Variants in PCDHGA3 observed in about 807,000 individuals in gnomAD.
PCDHGA3 encodes protocadherin gamma subfamily A, 3.
PCDHGA3 carries 40 observed loss-of-function variants against 58.5 expected under a neutral mutation model. That is an observed-to-expected ratio of 0.68 (90% confidence interval 0.53 to 0.89). PCDHGA3 has a LOEUF of 0.89. Ranked by LOEUF, PCDHGA3 falls within the 40% of genes least tolerant of loss-of-function variation. The pLI is 0.00. For synonymous variants in PCDHGA3, 530 were observed against 525.7 expected (o/e 1.01, Z -0.11); for missense variants, 1,223 against 1,195.9 (o/e 1.02, Z -0.33).
chr5:141,465,366 A>G (rs2099102089), intron 1 of PCDHGA3, among the ~76,000 whole-genome samples: 1 of 152,154 alleles, frequency 6.6e-6, no homozygotes, highest in Non-Finnish European at 1.5e-5. Flanking sequence ...GGTGCCCTTT[A>G]AAGTTGTAAG....
Position 141,345,336 on chromosome 5 carries a change from G to A in PCDHGA3, c.1303G>A (p.Glu435Lys), listed in dbSNP as rs1206645862. Reference sequence around the variant, plus strand: ...TGGGGGAAGCCCGCCACTGTCCACAGAAACTCACATCACCCTGCATGTGAT... The same window carrying A: ...TGGGGGAAGCCCGCCACTGTCCACAAAAACTCACATCACCCTGCATGTGAT... ...SDGGSPPLST[E>K]THITLHVIDI... is the part of the protein sequence containing the mutation. The change falls in exon 1 of 4, where the codon GAA (glutamate) becomes AAA (lysine). Residue 435 changes from glutamate to lysine, a missense_variant. Around this residue, in one of 3 missense-constraint regions of PCDHGA3, gnomAD observed 791 missense variants for 708.5 expected, o/e 1.12. Transcript: ENST00000253812. The A allele has an allele frequency of 3.1e-6, 5 of 1,613,916 alleles. No homozygotes were observed. Among genetic ancestry groups the A allele is most frequent in the Non-Finnish European group, 2.5e-6 (3 of 1,179,940 alleles).
In PCDHGA3 at chr5:141,489,664, A is replaced by C. The variant is rs745597010; in HGVS notation, c.2425-5143A>C. 1.9e-6 allele frequency: 3 copies of C among 1,614,224 alleles called. No individual in the cohort carries two copies. Among genetic ancestry groups the C allele is most frequent in the African/African-American group, 1.3e-5 (1 of 75,058 alleles). On this transcript the variant is annotated intron_variant, in intron 1 of 3. Transcript: ENST00000253812. This position sits in a 1 kb window ranked among gnomAD's most constrained non-coding sequence, Gnocchi z 4.5. ...TGCCACCCCTGAGCGAGAGATGCGC[A>C]TCTCAGAATCAGCAGCATCTGGGGC... is the stretch of plus-strand genomic sequence containing the variant.
intron 1 of PCDHGA3, chr5:141,355,995 A>G: frequency 6.2e-7 from 1 of 1,613,888 alleles, no homozygotes; most frequent in South Asian, 1.1e-5. Flanking sequence ...TCACCGTAAA[A>G]GCCACTGATC....
chr5:141,432,276 C>G lies in PCDHGA3; in HGVS notation c.2425-62531C>G, dbSNP rs747589363. ...GGGGCAAGCCTATCGTCCTACGTGT[C>G]CATCAACTCCGACACTGGGGTACTG... On this transcript the variant is annotated intron_variant, in intron 1 of 3. Transcript: ENST00000253812. The surrounding 1 kb of genome is among the most constrained non-coding windows in gnomAD (Gnocchi z 6.0). 6.2e-7 allele frequency: 1 copy of G among 1,614,236 alleles called. No homozygotes were observed. Among genetic ancestry groups the G allele is most frequent in the Non-Finnish European group, 8.5e-7 (1 of 1,180,044 alleles).
At position 141,491,299 on chromosome 5, in the gene PCDHGA3, C is replaced by T. The variant is rs777271881; in HGVS notation, c.2425-3508C>T. ...TGACTTCCTCATACACCCTCCTGAG[C>T]GTTCAGACCTTACCCTTTACCTCAT... On this transcript the variant is annotated intron_variant, in intron 1 of 3. Transcript: ENST00000253812. This position sits in a 1 kb window ranked among gnomAD's most constrained non-coding sequence, Gnocchi z 6.9. 3.7e-6 allele frequency: 6 copies of T among 1,614,068 alleles called. No individual in the cohort carries two copies. Among genetic ancestry groups the T allele is most frequent in the Non-Finnish European group, 5.1e-6 (6 of 1,179,896 alleles).
intron 1 of PCDHGA3, chr5:141,403,047 G>T: frequency 6.2e-7 from 1 of 1,614,062 alleles, no homozygotes; most frequent in Non-Finnish European, 8.5e-7. Flanking sequence ...AGTCAGATTC[G>T]CTACTCAGTG....
intron 1 of PCDHGA3, chr5:141,366,610 C>T (rs1157276449): frequency 1.9e-6 from 3 of 1,614,232 alleles, no homozygotes; most frequent in Non-Finnish European, 2.5e-6. Context: ...TCTCCCTCAC[C>T]GCGGACTCGA....
intron 1 of PCDHGA3, chr5:141,376,677 T>TTTG: frequency 3.8e-5 from 4 of 105,314 alleles, no homozygotes; most frequent in Non-Finnish European, 3.0e-5. Context: ...GAGGGTATCG[T>TTTG]TTTTTTTTTT....
At chr5:141,370,619 T>C (rs760864223) in intron 1 of PCDHGA3, 1 of 1,613,966 alleles carries the variant, frequency 6.2e-7, no homozygotes, top group Non-Finnish European at 8.5e-7. Context: ...AGAAATTCTT[T>C]ACCGTGAGCC....
intron 1 of PCDHGA3, chr5:141,422,772 C>A: frequency 6.2e-7 from 1 of 1,613,922 alleles, no homozygotes. Flanking sequence ...CTGGTGTTCT[C>A]TATGCCCTAC....
Position 141,344,052 on chromosome 5 carries a change from T to G in PCDHGA3, c.19T>G (p.Phe7Val). ...AAAGGAAATGACCAATTGCCTGAGT[T>G]TCCGAAATGGCAGAGGACTGGCCCT... MTNCLS[F>V]RNGRGLALLC... Residue 7 changes from phenylalanine (F) to valine (V), a missense_variant, in exon 1 of 4, where the codon TTC becomes GTC. This residue lies in a region of PCDHGA3 where 791 missense variants were observed against 708.5 expected (regional missense o/e 1.12). Coordinates refer to ENST00000253812, the MANE Select transcript of PCDHGA3 (RefSeq NM_018916.4). 1 of 1,556,868 alleles carries G rather than the reference T, an allele frequency of 6.4e-7. No individual in the cohort carries two copies. Among genetic ancestry groups the G allele is most frequent in the Non-Finnish European group, 8.7e-7 (1 of 1,152,096 alleles).
chr5:141,355,626 T>G, intron 1 of PCDHGA3: 1 of 1,614,004 alleles, frequency 6.2e-7, no homozygotes, highest in East Asian at 2.2e-5. Flanking sequence ...AAATAAAAGT[T>G]GCTGAAAATG....
At chr5:141,394,486 A>G (rs1446259630) in intron 1 of PCDHGA3, 2 of 1,613,980 alleles carry the variant, frequency 1.2e-6, no homozygotes, top group Non-Finnish European at 8.5e-7. Flanking sequence ...CAGAATGACA[A>G]CGCGCCCGAG....
chr5:141,350,729 G>A (rs763719542), intron 1 of PCDHGA3: 103 of 1,613,848 alleles, frequency 6.4e-5, no homozygotes, highest in Middle Eastern at 1.6e-4. Context: ...TGCTCAAGAT[G>A]CAGATGTGGA....
intron 1 of PCDHGA3, chr5:141,382,766 G>C (rs1015953757): frequency 5.7e-6 from 4 of 705,490 alleles, no homozygotes; most frequent in Admixed American, 2.7e-5. Flanking sequence ...CCTCTTCCAG[G>C]CTGCACTAAA....
chr5:141,497,374 T>C (rs2099776044), intron 2 of PCDHGA3, among the ~76,000 whole-genome samples: 1 of 152,112 alleles, frequency 6.6e-6, no homozygotes, highest in Non-Finnish European at 1.5e-5. Flanking sequence ...ATGTGTCCTC[T>C]GGGGTGAGCA....
intron 1 of PCDHGA3, among the ~76,000 whole-genome samples, chr5:141,465,300 G>A (rs904996219): frequency 1.3e-5 from 2 of 152,112 alleles, no homozygotes; most frequent in Non-Finnish European, 2.9e-5. Flanking sequence ...TGAGAGTCCT[G>A]GGAATTTAGC....
intron 1 of PCDHGA3, chr5:141,404,457 C>T: frequency 6.2e-7 from 1 of 1,612,824 alleles, no homozygotes; most frequent in Non-Finnish European, 8.5e-7. Flanking sequence ...TCTCCTCTCT[C>T]CACCTATGTC....
chr5:141,450,615 T>C (rs2098687601), intron 1 of PCDHGA3, among the ~76,000 whole-genome samples: 1 of 151,340 alleles, frequency 6.6e-6, no homozygotes, highest in African/African-American at 2.4e-5. Flanking sequence ...GCCTCCTGAG[T>C]AGCTGGGATT....
Sources: gnomAD v4.1 joint callset for allele counts (sites outside exome capture counted in the v4.1 genomes callset) on GRCh38, gnomAD v4.1.1 for gene constraint, gnomAD v4.1.1 regional missense constraint, Gnocchi (gnomAD v3.1) non-coding constraint, MANE v1.5 for transcripts, NCBI Gene and HGNC (gene_info 2026-07-23, HGNC 2026-07-21) for gene names.